Variants in DPF3 observed in about 807,000 individuals in gnomAD.
DPF3 encodes double PHD fingers 3, also known as zinc finger protein DPF3.
DPF3 carries 18 observed loss-of-function variants against 56.8 expected under a neutral mutation model. That is an observed-to-expected ratio of 0.32 (90% CI 0.22 to 0.47). DPF3 has a LOEUF of 0.47. Among genes scored for constraint, DPF3 ranks in the 20% least tolerant of loss-of-function variants. The probability of loss-of-function intolerance (pLI) is 1.00; values close to 1 mark genes in which losing one functional copy is unlikely to be tolerated. For synonymous variants in DPF3, 188 were observed against 180.2 expected (o/e 1.04, Z -0.35); for missense variants, 403 against 488.8 (o/e 0.82, Z 1.65).
intron 3 of DPF3, among the ~76,000 whole-genome samples, chr14:72,733,757 C>A (rs1453744148): frequency 6.6e-6 from 1 of 152,172 alleles, no homozygotes; most frequent in African/African-American, 2.4e-5. Flanking sequence ...CTCCACTGGG[C>A]TCTGTCCTGA....
rs1372307177 is a variant in DPF3, at chr14:72,821,332, C to T, written c.33-49439G>A. 5.3e-5 allele frequency among the ~76,000 whole-genome samples: 8 copies of T among 152,116 alleles called. No homozygotes were observed. In the East Asian group the frequency reaches 1.5e-3, roughly 29 times the overall value. ...CCATGGCGGCTCAGTCCTATAATCC[C>T]AGCACTTAACAAGGTAGAGGCAGGA... On this transcript the variant is annotated intron_variant, in intron 1 of 10. Transcript: ENST00000556509.
At chr14:72,798,087 T>A (rs1892709928) in intron 1 of DPF3, among the ~76,000 whole-genome samples, 1 of 151,760 alleles carries the variant, frequency 6.6e-6, no homozygotes, top group East Asian at 1.9e-4. Context: ...AAACCCTGTC[T>A]CCACCAAAAA....
At chr14:72,724,365 T>C (rs1350257483) in intron 4 of DPF3, among the ~76,000 whole-genome samples, 1 of 152,058 alleles carries the variant, frequency 6.6e-6, no homozygotes, top group Non-Finnish European at 1.5e-5. Flanking sequence ...CCAATTTCCA[T>C]TTTGCAGGTG....
At chr14:72,652,718 C>T (rs764576473) in intron 8 of DPF3, among the ~76,000 whole-genome samples, 50 of 152,126 alleles carry the variant, frequency 3.3e-4, no homozygotes, top group Non-Finnish European at 6.5e-4. Flanking sequence ...TAGGTGGGTG[C>T]ATAAAACAGA....
chr14:72,873,399 T>C (rs1434737671), intron 1 of DPF3, among the ~76,000 whole-genome samples: 4 of 152,208 alleles, frequency 2.6e-5, no homozygotes, highest in South Asian at 2.1e-4. Context: ...GTTAGAAAGG[T>C]GATCATTAAA....
intron 8 of DPF3, among the ~76,000 whole-genome samples, chr14:72,669,232 A>G (rs1359335586): frequency 6.6e-6 from 1 of 152,174 alleles, no homozygotes; most frequent in Non-Finnish European, 1.5e-5. Context: ...GGAGCGGTCT[A>G]ATTCATGAGG....
At chr14:72,703,704 T>C (rs1249263855) in intron 6 of DPF3, among the ~76,000 whole-genome samples, 1 of 152,140 alleles carries the variant, frequency 6.6e-6, no homozygotes, top group Non-Finnish European at 1.5e-5. Flanking sequence ...ACAAGGGCAA[T>C]AACAGTTTGT....
At chr14:72,771,709 T>C in intron 2 of DPF3, 24 bp downstream of exon 2, 1 of 1,599,430 alleles carries the variant, frequency 6.3e-7, no homozygotes, top group Non-Finnish European at 8.5e-7. Flanking sequence ...CACATGCGCA[T>C]GTCCCAGGAG....
intron 1 of DPF3, among the ~76,000 whole-genome samples, chr14:72,874,072 T>TAAA (rs60863230): frequency 0.081 from 10,485 of 129,700 alleles, 545 homozygotes; most frequent in South Asian, 0.18. Context: ...TAAAGTATGA[T>TAAA]AAAAAAAAAA....
rs185457587 is a variant in DPF3, at chr14:72,616,523, G to A, written c.*2774C>T. ...TAATGCACACAAGAAGGCGGACATG[G>A]AAAACATCCGGAGTTCTTCCCAGAC... On this transcript the variant is annotated 3_prime_UTR_variant, in exon 11 of 11. Coordinates refer to ENST00000556509, the MANE Select transcript of DPF3 (RefSeq NM_001280542.3). Among the ~76,000 whole-genome samples the A allele has an allele frequency of 2.5e-4, 38 of 152,284 alleles. No individual in the cohort carries two copies. Among genetic ancestry groups the A allele is most frequent in the African/African-American group, 8.9e-4 (37 of 41,540 alleles).
intron 7 of DPF3, among the ~76,000 whole-genome samples, chr14:72,689,379 G>A (rs767920655): frequency 2.6e-5 from 4 of 152,150 alleles, no homozygotes; most frequent in Non-Finnish European, 5.9e-5. Context: ...TGCTAAAGGG[G>A]GAAAAAGTCA....
At chr14:72,880,072 T>A (rs1886269979) in intron 1 of DPF3, 1 of 1,069,466 alleles carries the variant, frequency 9.4e-7, no homozygotes, top group African/African-American at 1.6e-5. Context: ...GTAACAGACA[T>A]AGTAAGTTTT....
At chr14:72,781,739 G>T (rs893927623) in intron 1 of DPF3, among the ~76,000 whole-genome samples, 2 of 151,864 alleles carry the variant, frequency 1.3e-5, no homozygotes, top group Non-Finnish European at 2.9e-5. Context: ...GGAAGGGGAC[G>T]CTCCGGGGAG....
chr14:72,685,124 A>G (rs1383455705), intron 7 of DPF3, among the ~76,000 whole-genome samples: 1 of 152,228 alleles, frequency 6.6e-6, no homozygotes, highest in Non-Finnish European at 1.5e-5. Context: ...TTGTTAAGAC[A>G]GTGCCTATTA....
chr14:72,644,105 T>A (rs1885642335), intron 8 of DPF3, among the ~76,000 whole-genome samples: 1 of 152,170 alleles, frequency 6.6e-6, no homozygotes, highest in Non-Finnish European at 1.5e-5. Flanking sequence ...CCAGGTGTCT[T>A]GAGCCCTGGA....
chr14:72,890,838 A>G (rs1043978411), intron 1 of DPF3, among the ~76,000 whole-genome samples: 1 of 152,184 alleles, frequency 6.6e-6, no homozygotes, highest in African/African-American at 2.4e-5. Context: ...TGATCAGTGC[A>G]GGCGGCTCCT....
At chr14:72,629,802 A>C in intron 8 of DPF3, 66 bp from the exon 9 acceptor site, 3 of 1,259,436 alleles carry the variant, frequency 2.4e-6, no homozygotes, top group Non-Finnish European at 3.4e-6. Context: ...AACACCACTC[A>C]CTGGAAACAC....
chr14:72,829,267 A>G (rs775334311), intron 1 of DPF3, among the ~76,000 whole-genome samples: 18 of 152,250 alleles, frequency 1.2e-4, no homozygotes, highest in Non-Finnish European at 2.4e-4. Context: ...TCACAGTACA[A>G]GACAATATGT....
chr14:72,740,712 C>A (rs1482492866), intron 3 of DPF3, among the ~76,000 whole-genome samples: 1 of 152,208 alleles, frequency 6.6e-6, no homozygotes, highest in Non-Finnish European at 1.5e-5. Flanking sequence ...ATGGGCCTGG[C>A]CTGGCATACC....
Sources: gnomAD v4.1 joint callset for allele counts (sites outside exome capture counted in the v4.1 genomes callset) on GRCh38, gnomAD v4.1.1 for gene constraint, MANE v1.5 for transcripts, NCBI Gene and HGNC (gene_info 2026-07-23, HGNC 2026-07-21) for gene names.